Variants in RASA3 observed in about 807,000 individuals in gnomAD.
The protein encoded by RASA3 is ras GTPase-activating protein 3.
RASA3 carries 73 observed loss-of-function variants against 110.0 expected under a neutral mutation model. That is an observed-to-expected ratio of 0.66 (90% CI 0.55 to 0.81). The LOEUF is 0.81. RASA3 is among the 30% of genes least tolerant of loss of function. The pLI is 0.00. For synonymous variants in RASA3, 500 were observed against 451.4 expected (o/e 1.11, Z -1.37); for missense variants, 976 against 1,113.2 (o/e 0.88, Z 1.75).
intron 5 of RASA3, 70 bp downstream of exon 5, chr13:114,029,741 C>T (rs747294294): frequency 2.8e-5 from 40 of 1,420,948 alleles, no homozygotes; most frequent in Non-Finnish European, 3.6e-5. Context: ...TGTGAAAACC[C>T]CTGTGTGCTC....
At chr13:113,998,875 A>G (rs528663038) in intron 20 of RASA3, among the ~76,000 whole-genome samples, 1 of 152,382 alleles carries the variant, frequency 6.6e-6, no homozygotes, top group South Asian at 2.1e-4. Flanking sequence ...AAGGAACCAC[A>G]GCCGGAAGAA....
intron 1 of RASA3, among the ~76,000 whole-genome samples, chr13:114,116,935 A>C (rs1191441802): frequency 1.3e-5 from 1 of 76,260 alleles, no homozygotes; most frequent in Admixed American, 1.7e-4. Context: ...CACGTGTGTG[A>C]GGGGAGCACG....
rs2080264067 is a variant in RASA3 at position 114,115,465 on chromosome 13, T to C, written c.55+16970A>G. Among the ~76,000 whole-genome samples, 2 of 152,232 alleles carry C rather than the reference T, an allele frequency of 1.3e-5. No homozygotes were observed. The highest frequency in any genetic ancestry group is 2.4e-5 in the African/African-American group (1 of 41,464). On this transcript the variant is annotated intron_variant, in intron 1 of 23. Transcript: ENST00000334062. The surrounding 1 kb of genome is among the most constrained non-coding windows in gnomAD (Gnocchi z 5.0). ...GCGTGAAGACTGGTCACAAGACAACTTCCCAGTTTAGAAAATGGTTAACTG... is the reference window on the plus strand; with the variant it reads ...GCGTGAAGACTGGTCACAAGACAACCTCCCAGTTTAGAAAATGGTTAACTG...
chr13:113,996,018 G>GGA (rs2053244973), intron 21 of RASA3, among the ~76,000 whole-genome samples: 1 of 137,232 alleles, frequency 7.3e-6, no homozygotes, highest in African/African-American at 2.7e-5. Flanking sequence ...CGGCTGATGG[G>GGA]GGACCCGGCT....
rs368106491 is a variant in RASA3, at chr13:113,999,717, G to A, written c.1850-50C>T. The A allele has an allele frequency of 1.6e-5, 25 of 1,548,454 alleles. No homozygotes were observed. In the African/African-American group the frequency reaches 3.5e-4, roughly 22 times the overall value. ...GGGTGCGGGCCCCGCTGTCCCGGCT[G>A]GGGTCCGGGTGGGGCTGAGGGGTCT... On this transcript the variant is annotated intron_variant, in intron 19 of 23. Coordinates refer to ENST00000334062, the MANE Select transcript of RASA3 (RefSeq NM_007368.4).
intron 23 of RASA3, among the ~76,000 whole-genome samples, chr13:113,981,470 A>G (rs1303294375): frequency 6.6e-6 from 1 of 152,162 alleles, no homozygotes; most frequent in Non-Finnish European, 1.5e-5. Flanking sequence ...CAAAGGCAGC[A>G]CCTGCTCTGA....
chr13:114,001,959 G>T (rs916839476), intron 18 of RASA3, among the ~76,000 whole-genome samples: 1 of 152,284 alleles, frequency 6.6e-6, no homozygotes, highest in Non-Finnish European at 1.5e-5. Context: ...GGCCACCGAG[G>T]ATGCAAGGCC....
At chr13:114,017,138 C>A (rs1438638068) in intron 12 of RASA3, 99 bp downstream of exon 12, 1 of 1,104,578 alleles carries the variant, frequency 9.1e-7, no homozygotes, top group Non-Finnish European at 1.4e-6. Context: ...GACATTCAAG[C>A]CCAGCTCGTG....
chr13:114,067,977 C>A (rs912947144), intron 2 of RASA3, among the ~76,000 whole-genome samples: 6 of 152,220 alleles, frequency 3.9e-5, no homozygotes, highest in Admixed American at 2.6e-4. Flanking sequence ...GTCTGCGTAT[C>A]CAGATCATTT....
chr13:114,033,257 G>C (rs1459394186), intron 4 of RASA3, among the ~76,000 whole-genome samples: 12 of 41,908 alleles, frequency 2.9e-4, no homozygotes, highest in East Asian at 7.4e-4. Context: ...CCCCACACTT[G>C]ACACCACGTT....
rs755297106 is a variant in RASA3 at position 113,979,322 on chromosome 13, C to A, written c.*25G>T. ...CGGCTTTGCATGGGCAGCTTGCTGGCGCCACTGGGCGCGTCCCGCAGACTT... is the reference window on the plus strand; with the variant it reads ...CGGCTTTGCATGGGCAGCTTGCTGGAGCCACTGGGCGCGTCCCGCAGACTT... On this transcript the variant is annotated 3_prime_UTR_variant, in exon 24 of 24. Transcript: ENST00000334062. The A allele has an allele frequency of 1.3e-6, 2 of 1,551,374 alleles. No individual in the cohort carries two copies. Among genetic ancestry groups the A allele is most frequent in the South Asian group, 1.1e-5 (1 of 89,804 alleles).
chr13:114,058,454 G>C (rs1374685416), intron 2 of RASA3, among the ~76,000 whole-genome samples: 2 of 152,266 alleles, frequency 1.3e-5, no homozygotes, highest in Non-Finnish European at 2.9e-5. Context: ...GTGGTCACCA[G>C]ACCGGACGGA....
At chr13:114,117,211 T>A (rs1223284752) in intron 1 of RASA3, among the ~76,000 whole-genome samples, 4 of 70,896 alleles carry the variant, frequency 5.6e-5, no homozygotes, top group East Asian at 4.1e-4. Flanking sequence ...GTGTGAGGGG[T>A]GCACGTGTGT....
chr13:114,078,835 C>T (rs1194246466), intron 1 of RASA3, among the ~76,000 whole-genome samples: 1 of 152,194 alleles, frequency 6.6e-6, no homozygotes, highest in African/African-American at 2.4e-5. Flanking sequence ...CCCTGGAGGC[C>T]CACACAGGGT....
intron 16 of RASA3, among the ~76,000 whole-genome samples, chr13:114,010,511 C>A (rs1309903693): frequency 6.6e-6 from 1 of 151,132 alleles, no homozygotes; most frequent in East Asian, 2.0e-4. Flanking sequence ...CCTGGTGGCA[C>A]CAGATCCAGT....
intron 2 of RASA3, among the ~76,000 whole-genome samples, chr13:114,072,047 T>C (rs1016992487): frequency 6.6e-6 from 1 of 151,538 alleles, no homozygotes; most frequent in African/African-American, 2.4e-5. Flanking sequence ...CCCGGTGGAG[T>C]CACAGCTACA....
intron 1 of RASA3, among the ~76,000 whole-genome samples, chr13:114,121,242 C>G (rs1038569010): frequency 6.6e-5 from 10 of 152,230 alleles, no homozygotes; most frequent in Admixed American, 1.3e-4. Flanking sequence ...TTCGGACCCC[C>G]GTGCCCCAAA....
chr13:113,992,728 T>G, intron 21 of RASA3, 140 bp from the exon 22 acceptor site: 1 of 711,842 alleles, frequency 1.4e-6, no homozygotes, highest in Non-Finnish European at 2.4e-6. Flanking sequence ...CGATTTGCTG[T>G]CCGTCTGTGC....
rs114175315 is a variant in RASA3 at position 114,112,009 on chromosome 13, G to A, written c.55+20426C>T. On this transcript the variant is annotated intron_variant, in intron 1 of 23. Coordinates refer to ENST00000334062, the MANE Select transcript of RASA3 (RefSeq NM_007368.4). This position sits in a 1 kb window ranked among gnomAD's most constrained non-coding sequence, Gnocchi z 4.8. Reference sequence around the variant, plus strand: ...GGCGAGGGTGGGAGCTGTAGCGGAAGAGACAAAAGCAAAAGGCAGATTCGC... The same window carrying A: ...GGCGAGGGTGGGAGCTGTAGCGGAAAAGACAAAAGCAAAAGGCAGATTCGC... Among the ~76,000 whole-genome samples the A allele has an allele frequency of 4.4e-3, 667 of 152,222 alleles. 4 individuals are homozygous for A. The highest frequency in any genetic ancestry group is 0.015 in the African/African-American group (639 of 41,560).
Sources: allele counts gnomAD v4.1 joint callset (sites outside exome capture counted in the v4.1 genomes callset), GRCh38; gene constraint gnomAD v4.1.1; non-coding constraint Gnocchi (gnomAD v3.1); transcripts MANE v1.5; gene names NCBI Gene and HGNC (gene_info 2026-07-23, HGNC 2026-07-21).